The following PDS5A variants were observed in gnomAD, a reference collection of about 807,000 sequenced individuals.
PDS5A encodes sister chromatid cohesion protein PDS5 homolog A.
PDS5A carries 42 observed loss-of-function variants against 167.1 expected under a neutral mutation model. The ratio of observed to expected loss-of-function variants is 0.25; its 90% confidence interval spans 0.20 to 0.33. PDS5A has a LOEUF of 0.33. PDS5A is among the 10% of genes least tolerant of loss of function. PDS5A has a pLI of 1.00. For missense variants in PDS5A, 1,033 were observed against 1,605.9 expected (o/e 0.64, Z 6.10); for synonymous variants, 553 against 554.6 (o/e 1.00, Z 0.04).
intron 2 of PDS5A, among the ~76,000 whole-genome samples, chr4:39,950,545 C>T (rs572320689): frequency 1.2e-4 from 18 of 152,202 alleles, no homozygotes; most frequent in African/African-American, 4.3e-4. Flanking sequence ...CCAGCCTGGG[C>T]AACATGGTGA....
chr4:39,902,201 A>G, intron 13 of PDS5A, 146 bp downstream of exon 13: 1 of 529,850 alleles, frequency 1.9e-6, no homozygotes, highest in South Asian at 3.1e-5. Context: ...CATAAATCGT[A>G]ACATTTTGTC....
chr4:39,867,767 CACA>C (rs1719661143), intron 22 of PDS5A, among the ~76,000 whole-genome samples: 1 of 129,044 alleles, frequency 7.7e-6, no homozygotes, highest in South Asian at 2.7e-4. Context: ...CACACACACA[CACA>C]CACACCCCAC....
In PDS5A at chr4:39,926,763, T is replaced by C; in HGVS notation, c.429+12A>G. ...ATAATGTTAATAGTTATTAAAGTTT[T>C]TTTTTTTTTACCTCTAATAAATAAA... is the stretch of plus-strand genomic sequence containing the variant. On this transcript the variant is annotated intron_variant, in intron 4 of 32. Transcript: ENST00000303538. 7.4e-7 allele frequency: 1 copy of C among 1,350,128 alleles called. No homozygotes were observed. The highest frequency in any genetic ancestry group is 9.7e-7 in the Non-Finnish European group (1 of 1,029,542). The allele number at this position is 1,350,128 out of a possible 1,614,324, so 83.6% of individuals were successfully genotyped here.
intron 16 of PDS5A, chr4:39,897,970 G>A: frequency 1.2e-6 from 1 of 856,492 alleles, no homozygotes; most frequent in Non-Finnish European, 1.4e-6. Flanking sequence ...GAAGACAAAA[G>A]TCTAGATAGG....
At chr4:39,926,401 T>C (rs1439950471) in intron 4 of PDS5A, among the ~76,000 whole-genome samples, 1 of 151,390 alleles carries the variant, frequency 6.6e-6, no homozygotes, top group Non-Finnish European at 1.5e-5. Context: ...GCCTGTAATC[T>C]CAGCTACTCG....
intron 2 of PDS5A, chr4:39,973,190 G>A (rs1317954099): frequency 2.0e-5 from 23 of 1,170,224 alleles, no homozygotes; most frequent in Non-Finnish European, 2.7e-5. Flanking sequence ...TTAGCTTGGT[G>A]GGCTTGTAAT....
intron 32 of PDS5A, among the ~76,000 whole-genome samples, chr4:39,833,096 CAGG>C (rs1455195557): frequency 7.3e-6 from 1 of 137,300 alleles, no homozygotes; most frequent in South Asian, 2.3e-4. Context: ...GAGGCTGAGG[CAGG>C]AGAATTGCTT....
chr4:39,926,212 T>C lies in PDS5A; in HGVS notation c.430-279A>G, dbSNP rs114305856. Among the ~76,000 whole-genome samples the C allele has an allele frequency of 4.1e-3, 625 of 151,898 alleles. 3 individuals are homozygous for C. Among genetic ancestry groups the C allele is most frequent in the African/African-American group, 0.015 (605 of 41,474 alleles). ...AAGCAGTAAAAATCTGTTTTTAGAA[T>C]AGAAAAAAATAAAAATAAAAAGATA... is the stretch of plus-strand genomic sequence containing the variant. On this transcript the variant is annotated intron_variant, in intron 4 of 32. Coordinates refer to ENST00000303538, the MANE Select transcript of PDS5A (RefSeq NM_001100399.2).
At chr4:39,930,255 G>GTTTT (rs1421768439) in intron 2 of PDS5A, among the ~76,000 whole-genome samples, 3 of 80,506 alleles carry the variant, frequency 3.7e-5, no homozygotes, top group South Asian at 4.9e-4. Context: ...AAGTTTTTTT[G>GTTTT]TTTTTTGTTT....
intron 2 of PDS5A, among the ~76,000 whole-genome samples, chr4:39,928,559 G>C (rs768895289): frequency 1.3e-5 from 2 of 151,866 alleles, no homozygotes; most frequent in Non-Finnish European, 2.9e-5. Flanking sequence ...CCTTCTTCAG[G>C]CTCCTTAAAA....
intron 7 of PDS5A, 138 bp from the exon 8 acceptor site, chr4:39,917,326 T>C (rs981797376): frequency 1.9e-6 from 1 of 518,970 alleles, no homozygotes; most frequent in Non-Finnish European, 3.3e-6. Context: ...AACAGGTGTG[T>C]GATTACTAAT....
At chr4:39,836,810 CTT>C (rs35685046) in intron 32 of PDS5A, among the ~76,000 whole-genome samples, 43 of 128,824 alleles carry the variant, frequency 3.3e-4, no homozygotes, top group Admixed American at 5.7e-4. Flanking sequence ...GCTTCAGTAA[CTT>C]TTTTTTTTTT....
At chr4:39,833,578 T>C (rs953230496) in intron 32 of PDS5A, among the ~76,000 whole-genome samples, 3 of 152,046 alleles carry the variant, frequency 2.0e-5, no homozygotes, top group Non-Finnish European at 2.9e-5. Flanking sequence ...TTTGTAGATA[T>C]GGGGTTTTGC....
chr4:39,907,277 CT>C (rs1015758426), intron 11 of PDS5A, among the ~76,000 whole-genome samples: 3 of 152,008 alleles, frequency 2.0e-5, no homozygotes, highest in Non-Finnish European at 2.9e-5. Flanking sequence ...AGGTATCTGC[CT>C]TTTTTTAAAC....
At chr4:39,825,942 TC>T (rs2109455309) in intron 32 of PDS5A, among the ~76,000 whole-genome samples, 1 of 152,264 alleles carries the variant, frequency 6.6e-6, no homozygotes, top group African/African-American at 2.4e-5. Flanking sequence ...TTTCATTTTT[TC>T]ACCTGAAACT....
At position 39,824,488 on chromosome 4, in the gene PDS5A, CTT is replaced by C. The variant is rs1358894162; in HGVS notation, c.*995_*996del. The C allele has an allele frequency of 3.9e-5, 6 of 152,610 alleles. No individual in the cohort carries two copies. In the East Asian group the frequency reaches 1.2e-3, roughly 29 times the overall value. The allele number at this position is 152,610 out of a possible 1,614,324, so 9.5% of individuals were successfully genotyped here. A position where few individuals can be genotyped will look rare whatever the true frequency, so the allele number is the denominator to read the frequency against. ...CAGACCATCAGACAAAAGCAAAACA[CTT>C]ATTTCCAAATAGCACAATGCTGAAA... On this transcript the variant is annotated 3_prime_UTR_variant, in exon 33 of 33. Transcript: ENST00000303538.
chr4:39,972,507 G>A (rs998493874), intron 2 of PDS5A, among the ~76,000 whole-genome samples: 2 of 152,038 alleles, frequency 1.3e-5, no homozygotes, highest in African/African-American at 4.8e-5. Flanking sequence ...GCGACAGGGC[G>A]AGACTCCGTC....
At chr4:39,939,382 G>T (rs1014601684) in intron 2 of PDS5A, among the ~76,000 whole-genome samples, 1 of 152,090 alleles carries the variant, frequency 6.6e-6, no homozygotes, top group Non-Finnish European at 1.5e-5. Flanking sequence ...TGGGAGGATC[G>T]CTTGAACCTA....
chr4:39,871,337 A>C (rs1341257869), intron 21 of PDS5A, among the ~76,000 whole-genome samples: 2 of 152,246 alleles, frequency 1.3e-5, no homozygotes, highest in Non-Finnish European at 2.9e-5. Flanking sequence ...ATCAACAATC[A>C]TCATTTAAGA....
Sources: allele counts gnomAD v4.1 joint callset (sites outside exome capture counted in the v4.1 genomes callset), GRCh38; gene constraint gnomAD v4.1.1; transcripts MANE v1.5; gene names NCBI Gene and HGNC (gene_info 2026-07-23, HGNC 2026-07-21).